The following RAD51B variants were observed in gnomAD, a reference collection of about 807,000 sequenced individuals.
RAD51B encodes DNA repair protein RAD51 homolog 2.
In RAD51B, 38 loss-of-function variants were observed where a neutral mutation model predicts 42.2. The ratio of observed to expected loss-of-function variants is 0.90; its 90% CI spans 0.70 to 1.18. RAD51B has a LOEUF of 1.18. Ranked by LOEUF, RAD51B falls within the 50% of genes most tolerant of loss-of-function variation. The probability of loss-of-function intolerance (pLI) is 0.00; values close to 1 mark genes in which losing one functional copy is unlikely to be tolerated. For synonymous variants in RAD51B, 154 were observed against 145.2 expected (o/e 1.06, Z -0.43); for missense variants, 373 against 400.7 (o/e 0.93, Z 0.59).
Position 68,098,750 on chromosome 14 carries a change from A to G in RAD51B, c.757-193134A>G, listed in dbSNP as rs143335823. Among the ~76,000 whole-genome samples the G allele has an allele frequency of 1.8e-3, 279 of 152,362 alleles. 1 individual carries two copies. Among genetic ancestry groups the G allele is most frequent in the African/African-American group, 6.4e-3 (267 of 41,586 alleles). ...CAAGATGAGATTTGGGTGGGGATAC[A>G]GAGCTAAACCATATCACAGTGTTAG... is the stretch of plus-strand genomic sequence containing the variant. On this transcript the variant is annotated intron_variant, in intron 7 of 10. Coordinates refer to ENST00000471583, the MANE Select transcript of RAD51B (RefSeq NM_133510.4).
intron 7 of RAD51B, among the ~76,000 whole-genome samples, chr14:68,072,079 A>AATATATATATT: frequency 1.9e-5 from 2 of 107,982 alleles, no homozygotes; most frequent in African/African-American, 4.2e-5. Context: ...AAATATATAA[A>AATATATATATT]TATATATAAA....
intron 7 of RAD51B, among the ~76,000 whole-genome samples, chr14:68,086,156 G>C (rs1194045105): frequency 6.6e-6 from 1 of 152,208 alleles, no homozygotes; most frequent in African/African-American, 2.4e-5. Context: ...CAGCAGATGG[G>C]GGAAGCCAGA....
At chr14:67,847,711 TC>T (rs2041668555) in intron 4 of RAD51B, among the ~76,000 whole-genome samples, 2 of 152,248 alleles carry the variant, frequency 1.3e-5, no homozygotes, top group South Asian at 4.1e-4. Flanking sequence ...ATGTGGTTGC[TC>T]TTAGAGTATG....
At chr14:68,265,862 C>T (rs950601083) in intron 7 of RAD51B, among the ~76,000 whole-genome samples, 18 of 152,148 alleles carry the variant, frequency 1.2e-4, no homozygotes, top group Non-Finnish European at 1.0e-4. Context: ...ACAATTCACT[C>T]TAGTAGATGG....
intron 7 of RAD51B, among the ~76,000 whole-genome samples, chr14:68,002,214 T>C (rs1467353611): frequency 6.6e-6 from 1 of 152,166 alleles, no homozygotes; most frequent in Non-Finnish European, 1.5e-5. Flanking sequence ...ATCTGTTGTT[T>C]TTTGACTTTT....
intron 4 of RAD51B, among the ~76,000 whole-genome samples, chr14:67,859,399 A>G (rs1385580445): frequency 6.6e-6 from 1 of 152,270 alleles, no homozygotes; most frequent in African/African-American, 2.4e-5. Flanking sequence ...TGAGACATTA[A>G]TGTTGAAGTA....
intron 4 of RAD51B, among the ~76,000 whole-genome samples, chr14:67,858,706 G>C (rs866964493): frequency 9.8e-5 from 15 of 152,364 alleles, no homozygotes; most frequent in African/African-American, 3.6e-4. Flanking sequence ...TTAACATATA[G>C]CTTGGCTTTC....
intron 7 of RAD51B, among the ~76,000 whole-genome samples, chr14:67,921,849 A>G (rs1485579057): frequency 6.6e-6 from 1 of 151,972 alleles, no homozygotes; most frequent in East Asian, 1.9e-4. Flanking sequence ...AGATGTGTGC[A>G]TTGGGTGAAT....
chr14:67,882,266 C>T (rs4899228), intron 5 of RAD51B, among the ~76,000 whole-genome samples: 7,818 of 152,282 alleles, frequency 0.051, 462 homozygotes, highest in African/African-American at 0.15. Context: ...AGCCACCATG[C>T]CCAGCCCACT....
intron 8 of RAD51B, among the ~76,000 whole-genome samples, chr14:68,302,080 C>T (rs930807938): frequency 6.6e-6 from 1 of 152,212 alleles, no homozygotes; most frequent in Non-Finnish European, 1.5e-5. Context: ...AGTGGAACAG[C>T]TCAGCTTTTG....
At chr14:68,012,761 A>G (rs1726897553) in intron 7 of RAD51B, among the ~76,000 whole-genome samples, 1 of 152,186 alleles carries the variant, frequency 6.6e-6, no homozygotes, top group South Asian at 2.1e-4. Flanking sequence ...ATGGAGGACA[A>G]TAACTGTTTT....
At chr14:68,584,364 A>ACCT (rs1890354647) in intron 10 of RAD51B, among the ~76,000 whole-genome samples, 1 of 151,864 alleles carries the variant, frequency 6.6e-6, no homozygotes, top group Non-Finnish European at 1.5e-5. Context: ...GTTTCCTTCG[A>ACCT]CCTCTTATAG....
chr14:68,517,625 A>G (rs57947677), intron 10 of RAD51B, among the ~76,000 whole-genome samples: 14,402 of 152,230 alleles, frequency 0.095, 711 homozygotes, highest in Middle Eastern at 0.15. Flanking sequence ...TCATTCTGCT[A>G]CTTGTAGCAT....
chr14:68,610,843 A>ATGTGTGTGTGTG (rs60173412), intron 10 of RAD51B, among the ~76,000 whole-genome samples: 1,526 of 144,926 alleles, frequency 0.011, 24 homozygotes, highest in South Asian at 0.038. Context: ...CTGAATGTAT[A>ATGTGTGTGTGTG]TGTGTGTGTG....
intron 10 of RAD51B, among the ~76,000 whole-genome samples, chr14:68,625,885 C>T (rs1282283766): frequency 2.0e-5 from 3 of 152,306 alleles, no homozygotes; most frequent in Admixed American, 6.5e-5. Flanking sequence ...TTAGCAACTG[C>T]GTTCTTGGCC....
At chr14:68,099,843 C>A (rs138614755) in intron 7 of RAD51B, among the ~76,000 whole-genome samples, 1 of 152,092 alleles carries the variant, frequency 6.6e-6, no homozygotes, top group African/African-American at 2.4e-5. Context: ...AAAGCCCAGT[C>A]GAGCAGAAGA....
chr14:67,871,570 C>T (rs1301316637), intron 5 of RAD51B, among the ~76,000 whole-genome samples: 5 of 152,138 alleles, frequency 3.3e-5, no homozygotes, highest in Non-Finnish European at 7.3e-5. Context: ...AGAGGGAATC[C>T]TCCCTAACTG....
At chr14:68,259,535 CAT>C (rs2080834207) in intron 7 of RAD51B, among the ~76,000 whole-genome samples, 1 of 152,064 alleles carries the variant, frequency 6.6e-6, no homozygotes, top group Non-Finnish European at 1.5e-5. Flanking sequence ...GCTAGGTTAT[CAT>C]GTGTAATTTA....
At chr14:68,672,419 G>A (rs911450427) in intron 11 of RAD51B, among the ~76,000 whole-genome samples, 8 of 152,158 alleles carry the variant, frequency 5.3e-5, no homozygotes, top group South Asian at 2.1e-4. Context: ...CCTTTCTGCC[G>A]TCAGAGAACT....
Sources: gnomAD v4.1 joint callset for allele counts (sites outside exome capture counted in the v4.1 genomes callset) on GRCh38, gnomAD v4.1.1 for gene constraint, MANE v1.5 for transcripts, NCBI Gene and HGNC (gene_info 2026-07-23, HGNC 2026-07-21) for gene names.